Variants in KLF8 observed in about 807,000 individuals in gnomAD.
The protein encoded by KLF8 is KLF transcription factor 8, also known as Krueppel-like factor 8.
In KLF8, 10 loss-of-function variants were observed where a neutral mutation model predicts 18.2. That is an observed-to-expected ratio of 0.55 (90% CI 0.34 to 0.93). The LOEUF is 0.93. KLF8 is among the 40% of genes least tolerant of loss of function. The pLI is 0.02. For missense variants in KLF8, 264 were observed against 277.9 expected (o/e 0.95, Z 0.36); for synonymous variants, 109 against 97.3 (o/e 1.12, Z -0.71).
the KLF8 span, among the ~76,000 whole-genome samples, chrX:56,164,968 G>T: frequency 5.7e-5 from 4 of 70,596 alleles, no homozygotes; most frequent in Admixed American, 2.1e-4. Context: ...TGATCTCATT[G>T]TTCAATTCCC....
At chrX:55,915,168 A>C in the KLF8 span, among the ~76,000 whole-genome samples, 4 of 111,306 alleles carry the variant, frequency 3.6e-5, no homozygotes, top group African/African-American at 1.3e-4. Flanking sequence ...ATAATACAGC[A>C]ATAAATGTAC....
At chrX:55,943,411 A>T in the KLF8 span, among the ~76,000 whole-genome samples, 2 of 111,030 alleles carry the variant, frequency 1.8e-5, no homozygotes, top group Non-Finnish European at 3.8e-5. Context: ...ACATCCCAAC[A>T]TTTAAAAGTC....
At chrX:56,219,201 G>T in the KLF8 span, among the ~76,000 whole-genome samples, 1 of 112,224 alleles carries the variant, frequency 8.9e-6, no homozygotes, top group African/African-American at 3.2e-5. Context: ...TCAATGTTGT[G>T]ATTTGGCAAT....
the KLF8 span, among the ~76,000 whole-genome samples, chrX:56,198,239 G>A: frequency 8.9e-6 from 1 of 111,828 alleles, no homozygotes; most frequent in East Asian, 2.8e-4. Flanking sequence ...TCTGGCCAGG[G>A]CAATCAGGCA....
the KLF8 span, among the ~76,000 whole-genome samples, chrX:56,076,764 A>T: frequency 8.9e-6 from 1 of 111,784 alleles, no homozygotes; most frequent in African/African-American, 3.3e-5. Flanking sequence ...CCAACAGTGT[A>T]AAAGTGTTCC....
chrX:56,050,998 A>C, the KLF8 span, among the ~76,000 whole-genome samples: 8 of 109,774 alleles, frequency 7.3e-5, no homozygotes, highest in African/African-American at 2.7e-4. Flanking sequence ...GTTCTTGTTG[A>C]ATTGATCCCT....
At chrX:56,052,849 G>T in the KLF8 span, among the ~76,000 whole-genome samples, 1 of 111,507 alleles carries the variant, frequency 9.0e-6, no homozygotes, top group Non-Finnish European at 1.9e-5. Context: ...GGGCAATGGC[G>T]GGCACCCCTC....
chrX:56,189,829 A>G, the KLF8 span, among the ~76,000 whole-genome samples: 4 of 84,281 alleles, frequency 4.7e-5, no homozygotes, highest in Admixed American at 6.3e-4. Context: ...ATGAGATCAC[A>G]TGGACACAGG....
At chrX:55,946,965 A>G in the KLF8 span, among the ~76,000 whole-genome samples, 1 of 111,795 alleles carries the variant, frequency 8.9e-6, no homozygotes, top group African/African-American at 3.3e-5. Flanking sequence ...TAGAATGGCG[A>G]TCGTTAAAAA....
At chrX:55,939,337 G>T in the KLF8 span, among the ~76,000 whole-genome samples, 1 of 111,017 alleles carries the variant, frequency 9.0e-6, no homozygotes, top group Non-Finnish European at 1.9e-5. Context: ...CGAGAGCAAA[G>T]ACACAACATA....
the KLF8 span, among the ~76,000 whole-genome samples, chrX:55,986,016 T>C: frequency 3.6e-5 from 4 of 111,910 alleles, no homozygotes; most frequent in Admixed American, 3.8e-4. Flanking sequence ...TGAAGTTGCT[T>C]ATCAGATTAA....
chrX:55,961,934 G>T, the KLF8 span: 1 of 191,506 alleles, frequency 5.2e-6, no homozygotes, highest in Non-Finnish European at 9.8e-6. Flanking sequence ...GCCTAGCAAG[G>T]GTTTGCTAGT....
chrX:56,041,144 A>G, the KLF8 span, among the ~76,000 whole-genome samples: 1 of 108,155 alleles, frequency 9.2e-6, no homozygotes, highest in African/African-American at 3.4e-5. Context: ...TCTTTTTTGG[A>G]GACTCTTTTC....
At chrX:55,977,400 T>C in the KLF8 span, among the ~76,000 whole-genome samples, 12 of 111,821 alleles carry the variant, frequency 1.1e-4, no homozygotes, top group Non-Finnish European at 1.7e-4. Flanking sequence ...TAATTAGTTT[T>C]ATTTATAATT....
At chrX:55,995,027 G>T in the KLF8 span, among the ~76,000 whole-genome samples, 4 of 111,886 alleles carry the variant, frequency 3.6e-5, no homozygotes, top group Non-Finnish European at 1.9e-5. Context: ...CACTATTGTT[G>T]TGTTTACCCA....
chrX:56,084,651 T>G, the KLF8 span, among the ~76,000 whole-genome samples: 1 of 112,218 alleles, frequency 8.9e-6, no homozygotes, highest in African/African-American at 3.2e-5. Flanking sequence ...CTCGTAAAGC[T>G]TTCTTTGCTT....
Position 56,250,304 on chromosome X carries a change from G to A in KLF8, c.81G>A (p.Gln27=), listed in dbSNP as rs1275484321. The change falls in exon 2 of 6, where the codon CAG becomes CAA. Residue 27 remains glutamine, a splice_region_variant and synonymous_variant. Coordinates refer to ENST00000468660, the MANE Select transcript of KLF8 (RefSeq NM_007250.5). ...GTGGCTCAATGCAGGTATTCAAGCA[G>A]GTCAGTTATCAGGAAAATAGGGTGC... The part of the protein sequence containing the change: ...SEGGSMQVFK[Q]VTASVRNRDP... 2 of 1,188,859 alleles carry A rather than the reference G, an allele frequency of 1.7e-6. No homozygotes were observed. Among genetic ancestry groups the A allele is most frequent in the African/African-American group, 1.8e-5 (1 of 56,840 alleles).
the KLF8 span, among the ~76,000 whole-genome samples, chrX:56,153,252 T>G: frequency 9.0e-6 from 1 of 110,766 alleles, no homozygotes; most frequent in Non-Finnish European, 1.9e-5. Context: ...CCCCAGCTAC[T>G]TGGGAGGCTA....
At chrX:55,955,220 C>T in the KLF8 span, among the ~76,000 whole-genome samples, 407 of 110,657 alleles carry the variant, frequency 3.7e-3, 1 homozygote, top group Non-Finnish European at 5.6e-3. Context: ...ACAAGCCATG[C>T]CAAGAATCTG....
Sources: allele counts gnomAD v4.1 joint callset (sites outside exome capture counted in the v4.1 genomes callset), GRCh38; gene constraint gnomAD v4.1.1; transcripts MANE v1.5; gene names NCBI Gene and HGNC (gene_info 2026-07-23, HGNC 2026-07-21).